The following TMEM132B variants were observed in gnomAD, a reference collection of about 807,000 sequenced individuals.
TMEM132B encodes transmembrane protein 132B.
TMEM132B carries 18 observed loss-of-function variants against 90.8 expected under a neutral mutation model. That is an observed-to-expected ratio of 0.20 (90% confidence interval 0.14 to 0.29). The LOEUF is 0.29. TMEM132B is among the 10% of genes least tolerant of loss of function. The pLI, the probability that TMEM132B is intolerant of heterozygous loss-of-function variation, is 1.00. For synonymous variants in TMEM132B, 504 were observed against 523.3 expected (o/e 0.96, Z 0.50); for missense variants, 1,096 against 1,326.8 (o/e 0.83, Z 2.70).
chr12:125,197,311 A>G (rs887176541), intron 1 of TMEM132B, among the ~76,000 whole-genome samples: 16 of 152,136 alleles, frequency 1.1e-4, no homozygotes, highest in African/African-American at 3.4e-4. Context: ...TTTTTGTTTT[A>G]TTTAGTAGAG....
At chr12:125,263,164 T>A (rs1874607343) in intron 1 of TMEM132B, among the ~76,000 whole-genome samples, 1 of 152,244 alleles carries the variant, frequency 6.6e-6, no homozygotes, top group Admixed American at 6.5e-5. Flanking sequence ...GACAATGATC[T>A]CCTGACTTTG....
intron 1 of TMEM132B, among the ~76,000 whole-genome samples, chr12:125,345,419 A>G (rs1877324050): frequency 6.6e-6 from 1 of 152,164 alleles, no homozygotes; most frequent in Non-Finnish European, 1.5e-5. Flanking sequence ...ACCAGTGCTG[A>G]CTAAGGTCCA....
chr12:125,645,928 G>C (rs190418376), intron 6 of TMEM132B, among the ~76,000 whole-genome samples: 37 of 152,346 alleles, frequency 2.4e-4, no homozygotes, highest in Non-Finnish European at 4.3e-4. Flanking sequence ...GGAAGATTTT[G>C]AGGAGCATCA....
intron 3 of TMEM132B, among the ~76,000 whole-genome samples, chr12:125,501,696 G>T (rs1164555692): frequency 2.6e-5 from 4 of 152,178 alleles, no homozygotes; most frequent in South Asian, 2.1e-4. Context: ...ATGTACTGGG[G>T]TCTGACATTT....
At chr12:125,402,519 T>A (rs1879349473) in intron 2 of TMEM132B, among the ~76,000 whole-genome samples, 1 of 152,258 alleles carries the variant, frequency 6.6e-6, no homozygotes, top group Non-Finnish European at 1.5e-5. Flanking sequence ...CTGGCTTCAT[T>A]CTCTTTGTTG....
chr12:125,316,349 A>G (rs1876273396), intron 1 of TMEM132B, among the ~76,000 whole-genome samples: 1 of 152,262 alleles, frequency 6.6e-6, no homozygotes, highest in South Asian at 2.1e-4. Context: ...CAGTGGCTGC[A>G]TGGCCTGCCC....
intron 2 of TMEM132B, among the ~76,000 whole-genome samples, chr12:125,411,350 G>A (rs947359231): frequency 1.4e-4 from 18 of 133,046 alleles, no homozygotes; most frequent in African/African-American, 4.8e-4. Context: ...TCACACACTG[G>A]GGCCTGTCAG....
intron 3 of TMEM132B, among the ~76,000 whole-genome samples, chr12:125,456,259 C>A (rs1290336803): frequency 1.3e-5 from 2 of 152,204 alleles, no homozygotes; most frequent in African/African-American, 4.8e-5. Context: ...TGAAAAGGAG[C>A]CAACTGTGCT....
At chr12:125,300,396 G>C (rs1875791829) in intron 1 of TMEM132B, among the ~76,000 whole-genome samples, 1 of 152,074 alleles carries the variant, frequency 6.6e-6, no homozygotes, top group Non-Finnish European at 1.5e-5. Flanking sequence ...CAGAGCCAGA[G>C]GCTGTAGGGA....
intron 5 of TMEM132B, among the ~76,000 whole-genome samples, chr12:125,595,372 T>A (rs1268252604): frequency 6.6e-6 from 1 of 152,170 alleles, no homozygotes; most frequent in Non-Finnish European, 1.5e-5. Context: ...GTCCAGTGGA[T>A]GTGGCATTTA....
intron 1 of TMEM132B, among the ~76,000 whole-genome samples, chr12:125,276,923 C>T (rs1338094888): frequency 6.6e-6 from 1 of 152,220 alleles, no homozygotes; most frequent in Non-Finnish European, 1.5e-5. Context: ...TTGGGCATAA[C>T]TTTGGATTCT....
rs114137234 is a variant in TMEM132B, at chr12:125,254,566, C to T, written c.67+67700C>T. Among the ~76,000 whole-genome samples the T allele has an allele frequency of 4.0e-3, 603 of 152,162 alleles. 1 individual carries two copies. Among genetic ancestry groups the T allele is most frequent in the African/African-American group, 0.013 (559 of 41,510 alleles). On this transcript the variant is annotated intron_variant, in intron 1 of 8. Coordinates refer to ENST00000682704, the MANE Select transcript of TMEM132B (RefSeq NM_001366854.1). ...ACCCATCACCTACACAAAGACCCTGCGAGATTGCCTGTATCCCCTCCAGAG... is the reference window on the plus strand; with the variant it reads ...ACCCATCACCTACACAAAGACCCTGTGAGATTGCCTGTATCCCCTCCAGAG...
At chr12:125,216,858 C>G (rs576272284) in intron 1 of TMEM132B, among the ~76,000 whole-genome samples, 10 of 152,136 alleles carry the variant, frequency 6.6e-5, no homozygotes, top group Non-Finnish European at 1.2e-4. Flanking sequence ...GCAAGCTGGC[C>G]GGAGGCATCG....
At chr12:125,387,696 G>A (rs1006515351) in intron 2 of TMEM132B, among the ~76,000 whole-genome samples, 15 of 152,156 alleles carry the variant, frequency 9.9e-5, no homozygotes, top group Non-Finnish European at 2.1e-4. Context: ...GATATTGGAG[G>A]TTTAAAATAA....
At chr12:125,651,165 T>G (rs2137048704) in intron 7 of TMEM132B, among the ~76,000 whole-genome samples, 1 of 152,358 alleles carries the variant, frequency 6.6e-6, no homozygotes, top group African/African-American at 2.4e-5. Flanking sequence ...CTCAGATTAA[T>G]TTTTGTATTT....
chr12:125,194,277 G>GT (rs1158252415), intron 1 of TMEM132B, among the ~76,000 whole-genome samples: 6 of 151,912 alleles, frequency 3.9e-5, no homozygotes, highest in Non-Finnish European at 8.8e-5. Flanking sequence ...TTGGTGGGGG[G>GT]GTCTTACTCA....
chr12:125,259,284 G>A (rs551372926), intron 1 of TMEM132B, among the ~76,000 whole-genome samples: 1 of 152,322 alleles, frequency 6.6e-6, no homozygotes, highest in East Asian at 1.9e-4. Context: ...TTCTCAGTGT[G>A]TAACAGGATG....
intron 1 of TMEM132B, among the ~76,000 whole-genome samples, chr12:125,320,712 T>C (rs964122145): frequency 6.6e-6 from 1 of 152,040 alleles, no homozygotes; most frequent in African/African-American, 2.4e-5. Context: ...GAATCATGAG[T>C]CTGCTCCTGA....
chr12:125,300,401 T>G (rs1332942513), intron 1 of TMEM132B, among the ~76,000 whole-genome samples: 5 of 152,062 alleles, frequency 3.3e-5, no homozygotes, highest in African/African-American at 1.2e-4. Context: ...CCAGAGGCTG[T>G]AGGGAAGCTG....
Sources: gnomAD v4.1 joint callset for allele counts (sites outside exome capture counted in the v4.1 genomes callset) on GRCh38, gnomAD v4.1.1 for gene constraint, MANE v1.5 for transcripts, NCBI Gene and HGNC (gene_info 2026-07-23, HGNC 2026-07-21) for gene names.